Variants in TMEM132C observed in about 807,000 individuals in gnomAD.
The protein encoded by TMEM132C is transmembrane protein 132C.
In TMEM132C, 29 loss-of-function variants were observed where a neutral mutation model predicts 61.4. That is an observed-to-expected ratio of 0.47 (90% CI 0.35 to 0.64). The LOEUF is 0.64. TMEM132C is among the 30% of genes least tolerant of loss of function. The probability of loss-of-function intolerance (pLI) is 0.00; values close to 1 mark genes in which losing one functional copy is unlikely to be tolerated. For synonymous variants in TMEM132C, 656 were observed against 633.1 expected (o/e 1.04, Z -0.54); for missense variants, 1,408 against 1,476.9 (o/e 0.95, Z 0.76).
intron 4 of TMEM132C, among the ~76,000 whole-genome samples, chr12:128,641,961 A>ATTTTTTTT (rs34283461): frequency 2.3e-5 from 3 of 128,744 alleles, no homozygotes; most frequent in Non-Finnish European, 3.3e-5. Context: ...TGCCCGGCTA[A>ATTTTTTTT]TTTTTTTTTT....
chr12:128,270,839 CCT>C, intron 1 of TMEM132C, among the ~76,000 whole-genome samples: 1 of 152,170 alleles, frequency 6.6e-6, no homozygotes, highest in South Asian at 2.1e-4. Flanking sequence ...CTCAATGTGT[CCT>C]ATTATAGTTC....
chr12:128,490,400 A>G lies in TMEM132C; in HGVS notation c.975-53557A>G, dbSNP rs576546666. On this transcript the variant is annotated intron_variant, in intron 2 of 8. Coordinates refer to ENST00000435159, the MANE Select transcript of TMEM132C (RefSeq NM_001136103.3). Reference sequence around the variant, plus strand: ...TGGCCACCACGATGGCTCCCAGACAATGTGAAGCAAATTCCCCCCTTCCAC... The same window carrying G: ...TGGCCACCACGATGGCTCCCAGACAGTGTGAAGCAAATTCCCCCCTTCCAC... Among the ~76,000 whole-genome samples the G allele has an allele frequency of 9.9e-5, 15 of 152,254 alleles. No individual in the cohort carries two copies. The East Asian group carries it at 2.5e-3, about 26-fold the overall frequency.
chr12:128,311,732 G>A (rs528100627), intron 1 of TMEM132C, among the ~76,000 whole-genome samples: 36 of 152,200 alleles, frequency 2.4e-4, no homozygotes, highest in Non-Finnish European at 4.3e-4. Context: ...ACTTCACGTC[G>A]GTCCTGGCTC....
chr12:128,530,563 C>G (rs1238645558), intron 2 of TMEM132C, among the ~76,000 whole-genome samples: 6 of 152,142 alleles, frequency 3.9e-5, no homozygotes, highest in Admixed American at 1.3e-4. Flanking sequence ...CCTGCCTCAG[C>G]CTCCCGAGTA....
intron 4 of TMEM132C, among the ~76,000 whole-genome samples, chr12:128,629,715 C>T (rs1320527533): frequency 6.6e-6 from 1 of 152,160 alleles, no homozygotes; most frequent in African/African-American, 2.4e-5. Context: ...CGCCTGTAAT[C>T]CCAGCACTTT....
chr12:128,675,984 T>G (rs1297019800), intron 5 of TMEM132C, among the ~76,000 whole-genome samples: 1 of 152,202 alleles, frequency 6.6e-6, no homozygotes, highest in African/African-American at 2.4e-5. Context: ...TTCCTAAGAA[T>G]AAGAATATTC....
intron 2 of TMEM132C, among the ~76,000 whole-genome samples, chr12:128,423,851 G>A (rs1441729667): frequency 6.6e-6 from 1 of 151,836 alleles, no homozygotes; most frequent in Admixed American, 6.6e-5. Context: ...GGCTAACATG[G>A]TGAAACCCCA....
rs184903182 is a variant in TMEM132C at position 128,510,318 on chromosome 12, C to T, written c.975-33639C>T. On this transcript the variant is annotated intron_variant, in intron 2 of 8. Transcript: ENST00000435159. Reference sequence around the variant, plus strand: ...CATTTACAGGCCAACAACACCATGACTGAGAAAGGACACTTTGCACATCGA... The same window carrying T: ...CATTTACAGGCCAACAACACCATGATTGAGAAAGGACACTTTGCACATCGA... Among the ~76,000 whole-genome samples the T allele has an allele frequency of 1.2e-3, 184 of 152,314 alleles. 1 individual carries two copies. Among genetic ancestry groups the T allele is most frequent in the African/African-American group, 4.1e-3 (171 of 41,564 alleles).
intron 1 of TMEM132C, among the ~76,000 whole-genome samples, chr12:128,272,883 G>A (rs1210329991): frequency 6.6e-6 from 1 of 152,028 alleles, no homozygotes; most frequent in Non-Finnish European, 1.5e-5. Flanking sequence ...TTTTGAGAGT[G>A]CTTTATATAT....
intron 5 of TMEM132C, among the ~76,000 whole-genome samples, chr12:128,671,638 C>T (rs1954533410): frequency 6.6e-6 from 1 of 152,086 alleles, no homozygotes; most frequent in Non-Finnish European, 1.5e-5. Context: ...CTGCAAACCC[C>T]ACCCCCAGAA....
At chr12:128,465,323 C>T (rs570879658) in intron 2 of TMEM132C, among the ~76,000 whole-genome samples, 12 of 151,966 alleles carry the variant, frequency 7.9e-5, no homozygotes, top group Non-Finnish European at 1.3e-4. Flanking sequence ...CTCAGCCTCC[C>T]GAGTAGCTGG....
At chr12:128,339,014 A>C (rs1872873356) in intron 1 of TMEM132C, among the ~76,000 whole-genome samples, 1 of 152,072 alleles carries the variant, frequency 6.6e-6, no homozygotes, top group South Asian at 2.1e-4. Context: ...TGTCTCTCTG[A>C]GTGCCCCTCC....
intron 1 of TMEM132C, among the ~76,000 whole-genome samples, chr12:128,408,832 G>A (rs976227934): frequency 2.6e-5 from 4 of 152,156 alleles, no homozygotes; most frequent in African/African-American, 7.2e-5. Context: ...ATCCAAGTCC[G>A]TTTGGCTGCA....
At chr12:128,382,241 AT>A (rs571527298) in intron 1 of TMEM132C, among the ~76,000 whole-genome samples, 4 of 151,976 alleles carry the variant, frequency 2.6e-5, no homozygotes, top group African/African-American at 9.7e-5. Context: ...AGAAAAATGC[AT>A]TTTTTTCCCT....
At chr12:128,693,778 T>A (rs1192993487) in intron 5 of TMEM132C, 51 bp from the exon 6 acceptor site, 1 of 1,542,438 alleles carries the variant, frequency 6.5e-7, no homozygotes, top group Non-Finnish European at 8.8e-7. Context: ...AAGGATTGTC[T>A]CCAAGGCTCC....
intron 1 of TMEM132C, among the ~76,000 whole-genome samples, chr12:128,291,838 G>A (rs1359662346): frequency 6.6e-6 from 1 of 152,344 alleles, no homozygotes; most frequent in South Asian, 2.1e-4. Flanking sequence ...TTGAAGTGGG[G>A]AAAGCCACAG....
chr12:128,351,476 A>G (rs2135962959), intron 1 of TMEM132C, among the ~76,000 whole-genome samples: 1 of 152,324 alleles, frequency 6.6e-6, no homozygotes, highest in East Asian at 1.9e-4. Context: ...GTCTTATGCC[A>G]TTTGTATTGC....
intron 3 of TMEM132C, among the ~76,000 whole-genome samples, chr12:128,606,599 T>C (rs1283239912): frequency 6.6e-6 from 1 of 152,226 alleles, no homozygotes; most frequent in African/African-American, 2.4e-5. Context: ...TCCACCTGGC[T>C]GTGGTGCAGC....
intron 3 of TMEM132C, among the ~76,000 whole-genome samples, chr12:128,596,559 G>C (rs1268163852): frequency 9.6e-6 from 1 of 104,004 alleles, no homozygotes; most frequent in Non-Finnish European, 1.9e-5. Context: ...TCTGTCCATC[G>C]CACTGGGCTG....
Sources: allele counts gnomAD v4.1 joint callset (sites outside exome capture counted in the v4.1 genomes callset), GRCh38; gene constraint gnomAD v4.1.1; transcripts MANE v1.5; gene names NCBI Gene and HGNC (gene_info 2026-07-23, HGNC 2026-07-21).